Variants in RAB38 observed in about 807,000 individuals in gnomAD.
RAB38 encodes the protein ras-related protein Rab-38.
In RAB38, 15 loss-of-function variants were observed where a neutral mutation model predicts 18.4. The observed-to-expected ratio is 0.82, with a 90% CI of 0.55 to 1.26. The LOEUF is 1.26. Among genes scored for constraint, RAB38 ranks in the 50% most tolerant of loss-of-function variants. The pLI, the probability that RAB38 is intolerant of heterozygous loss-of-function variation, is 0.00. For synonymous variants in RAB38, 101 were observed against 104.4 expected (o/e 0.97, Z 0.20); for missense variants, 294 against 267.4 (o/e 1.10, Z -0.69).
the RAB38 span, among the ~76,000 whole-genome samples, chr11:88,090,324 T>C: frequency 2.0e-4 from 30 of 152,118 alleles, 1 homozygote; most frequent in South Asian, 6.2e-3. Context: ...GATATCCTAA[T>C]GGTGAGTCCT....
the RAB38 span, among the ~76,000 whole-genome samples, chr11:87,963,461 A>C: frequency 6.6e-6 from 1 of 152,116 alleles, no homozygotes. Context: ...TAAAATCACA[A>C]ATTAAAATAA....
the RAB38 span, among the ~76,000 whole-genome samples, chr11:87,976,542 T>A: frequency 3.9e-5 from 5 of 128,200 alleles, no homozygotes; most frequent in Non-Finnish European, 6.3e-5. Context: ...TTTACATTTA[T>A]ATTTTATATA....
chr11:87,947,843 G>T, the RAB38 span, among the ~76,000 whole-genome samples: 1 of 152,246 alleles, frequency 6.6e-6, no homozygotes, highest in African/African-American at 2.4e-5. Context: ...CCCAGCTTTT[G>T]TTCTTTTGGC....
chr11:87,951,389 C>G, the RAB38 span, among the ~76,000 whole-genome samples: 16 of 152,304 alleles, frequency 1.1e-4, no homozygotes, highest in East Asian at 5.8e-4. Flanking sequence ...CTTCTTGTCT[C>G]AACTCGTCAA....
the RAB38 span, among the ~76,000 whole-genome samples, chr11:87,966,362 A>AT: frequency 2.0e-5 from 3 of 152,146 alleles, no homozygotes; most frequent in Non-Finnish European, 4.4e-5. Flanking sequence ...GACACAGCCC[A>AT]TACTCATTTC....
At chr11:87,974,020 C>T in the RAB38 span, among the ~76,000 whole-genome samples, 2 of 151,836 alleles carry the variant, frequency 1.3e-5, no homozygotes, top group Non-Finnish European at 2.9e-5. Context: ...AAAAAACAAG[C>T]ACTTTTTAAA....
At chr11:87,961,480 G>T in the RAB38 span, among the ~76,000 whole-genome samples, 9 of 152,162 alleles carry the variant, frequency 5.9e-5, no homozygotes, top group East Asian at 1.7e-3. Context: ...TCTGCATGTT[G>T]GAACAACCCA....
chr11:87,956,046 C>G, the RAB38 span, among the ~76,000 whole-genome samples: 1 of 151,908 alleles, frequency 6.6e-6, no homozygotes, highest in East Asian at 1.9e-4. Context: ...TAAAAGTCTC[C>G]GTTCTACAGT....
chr11:88,094,948 A>C, the RAB38 span, among the ~76,000 whole-genome samples: 2 of 151,802 alleles, frequency 1.3e-5, no homozygotes, highest in African/African-American at 4.8e-5. Context: ...GAGAAAGCAA[A>C]AGCAATACAC....
the RAB38 span, among the ~76,000 whole-genome samples, chr11:87,943,400 TCTCTGGTTCTTCCC>T: frequency 6.6e-6 from 1 of 152,164 alleles, no homozygotes; most frequent in Non-Finnish European, 1.5e-5. Flanking sequence ...CATCATTGCC[TCTCTGGTTCTTCCC>T]CTCTGGTATC....
At chr11:88,074,021 C>T in the RAB38 span, among the ~76,000 whole-genome samples, 23,416 of 148,746 alleles carry the variant, frequency 0.16, 3,039 homozygotes, top group African/African-American at 0.35. Flanking sequence ...AAATGAAGAT[C>T]GCCTACAATA....
the RAB38 span, among the ~76,000 whole-genome samples, chr11:88,091,271 G>T: frequency 1.3e-5 from 2 of 151,988 alleles, no homozygotes; most frequent in Admixed American, 6.6e-5. Flanking sequence ...GGTCTCTCTA[G>T]GTTCCCTCAG....
the RAB38 span, among the ~76,000 whole-genome samples, chr11:87,972,981 T>C: frequency 6.6e-6 from 1 of 151,930 alleles, no homozygotes; most frequent in African/African-American, 2.4e-5. Flanking sequence ...CCCTTTCCTC[T>C]CTTCCTTCTG....
chr11:87,855,123 A>G, the RAB38 span, among the ~76,000 whole-genome samples: 1 of 152,140 alleles, frequency 6.6e-6, no homozygotes, highest in Non-Finnish European at 1.5e-5. Flanking sequence ...ACATGAGCCT[A>G]TTGAAGTTGT....
chr11:87,817,128 G>T, the RAB38 span: 6 of 152,082 alleles, frequency 3.9e-5, no homozygotes, highest in Non-Finnish European at 5.9e-5. Flanking sequence ...TTCAAATCAG[G>T]AGCTTCTACA....
At chr11:88,039,148 C>T in the RAB38 span, among the ~76,000 whole-genome samples, 19 of 151,938 alleles carry the variant, frequency 1.3e-4, no homozygotes, top group South Asian at 4.2e-4. Context: ...TAGTTGGAGC[C>T]GAGTTGAGAA....
At chr11:87,934,826 A>C in the RAB38 span, among the ~76,000 whole-genome samples, 3 of 152,140 alleles carry the variant, frequency 2.0e-5, no homozygotes, top group Non-Finnish European at 4.4e-5. Flanking sequence ...AAAGATGAAA[A>C]AGGAATGTTA....
chr11:88,087,253 A>AAG, the RAB38 span, among the ~76,000 whole-genome samples: 5,036 of 152,056 alleles, frequency 0.033, 227 homozygotes, highest in South Asian at 0.074. Flanking sequence ...CTACTCAGGG[A>AAG]AGAGACCACA....
the RAB38 span, among the ~76,000 whole-genome samples, chr11:87,809,067 A>G: frequency 2.0e-5 from 3 of 150,868 alleles, no homozygotes; most frequent in South Asian, 2.1e-4. Flanking sequence ...TAGAGTTGGC[A>G]TGACAAACAG....
Sources: allele counts gnomAD v4.1 joint callset (sites outside exome capture counted in the v4.1 genomes callset), GRCh38; gene constraint gnomAD v4.1.1; transcripts MANE v1.5; gene names NCBI Gene and HGNC (gene_info 2026-07-23, HGNC 2026-07-21).